Variants in RIMS1 observed in about 807,000 individuals in gnomAD.
RIMS1 encodes the protein regulating synaptic membrane exocytosis protein 1.
Under a neutral mutation model 214.1 loss-of-function variants are expected in RIMS1, and 83 were observed. That is an observed-to-expected ratio of 0.39 (90% confidence interval 0.32 to 0.47). The LOEUF is 0.47. Ranked by LOEUF, RIMS1 falls within the 20% of genes least tolerant of loss-of-function variation. The probability of loss-of-function intolerance (pLI) is 0.99; values close to 1 mark genes in which losing one functional copy is unlikely to be tolerated. For synonymous variants in RIMS1, 793 were observed against 786.8 expected (o/e 1.01, Z -0.13); for missense variants, 2,050 against 2,161.8 (o/e 0.95, Z 1.03).
intron 2 of RIMS1, among the ~76,000 whole-genome samples, chr6:72,040,866 A>G (rs1311254367): frequency 6.6e-6 from 1 of 151,898 alleles, no homozygotes; most frequent in Non-Finnish European, 1.5e-5. Flanking sequence ...TCAAAGATGT[A>G]ATTTATTTTA....
intron 1 of RIMS1, among the ~76,000 whole-genome samples, chr6:71,932,130 T>C (rs1366158566): frequency 6.6e-6 from 1 of 152,146 alleles, no homozygotes; most frequent in Non-Finnish European, 1.5e-5. Flanking sequence ...TTACTGTGTA[T>C]ATACCCAAAG....
At chr6:72,330,348 G>A (rs2096617162) in intron 28 of RIMS1, among the ~76,000 whole-genome samples, 1 of 151,708 alleles carries the variant, frequency 6.6e-6, no homozygotes. Context: ...ATAACTACTT[G>A]AGATTTTTCA....
chr6:72,373,106 C>T (rs1221279071), intron 29 of RIMS1, among the ~76,000 whole-genome samples: 1 of 152,104 alleles, frequency 6.6e-6, no homozygotes, highest in African/African-American at 2.4e-5. Flanking sequence ...CTTACTGCAC[C>T]TTGGATTCTT....
chr6:72,264,647 T>C (rs1046206034), intron 19 of RIMS1, among the ~76,000 whole-genome samples: 10 of 152,206 alleles, frequency 6.6e-5, no homozygotes, highest in Non-Finnish European at 8.8e-5. Context: ...TTTACTTTCG[T>C]AGAAGTAGGC....
chr6:72,354,226 TAAATAAAC>T (rs2097556793), intron 29 of RIMS1, among the ~76,000 whole-genome samples: 2 of 151,514 alleles, frequency 1.3e-5, no homozygotes, highest in Non-Finnish European at 3.0e-5. Context: ...TCTCAATAAA[TAAATAAAC>T]AAACAAACAA....
chr6:72,213,849 C>T (rs2054503222), intron 6 of RIMS1, among the ~76,000 whole-genome samples: 1 of 152,106 alleles, frequency 6.6e-6, no homozygotes, highest in Non-Finnish European at 1.5e-5. Flanking sequence ...TATTCTCTCC[C>T]AAGGGAAATC....
At chr6:72,022,360 G>A (rs190398183) in intron 2 of RIMS1, among the ~76,000 whole-genome samples, 29 of 152,140 alleles carry the variant, frequency 1.9e-4, no homozygotes, top group African/African-American at 4.1e-4. Flanking sequence ...AAACTTGGGC[G>A]TTATCATTAT....
In RIMS1 at chr6:72,260,761, C is replaced by T; in HGVS notation, c.3110C>T (p.Thr1037Ile). The T allele has an allele frequency of 6.2e-7, 1 of 1,612,204 alleles. No homozygotes were observed. The highest frequency in any genetic ancestry group is 8.5e-7 in the Non-Finnish European group (1 of 1,178,796). ...GGACGAAGTGCAGAATGCCTACATA[C>T]TACCAGGTAAATACAGGGATTTGGT... ...KRGRSAECLH[T>I]TRHLVRHYKT... The change falls in exon 19 of 34, where the codon ACT (threonine) becomes ATT (isoleucine). Residue 1037 changes from threonine to isoleucine, a missense_variant. Around this residue, in one of 6 missense-constraint regions of RIMS1, gnomAD observed 889 missense variants for 885.5 expected, o/e 1.00. Coordinates refer to ENST00000521978, the MANE Select transcript of RIMS1 (RefSeq NM_014989.7).
intron 29 of RIMS1, among the ~76,000 whole-genome samples, chr6:72,373,459 G>A (rs1435872148): frequency 6.6e-6 from 1 of 152,104 alleles, no homozygotes; most frequent in African/African-American, 2.4e-5. Context: ...TTTTGTGTGT[G>A]ATTAACACTG....
In RIMS1 at chr6:72,162,481, CT is replaced by C. The variant is rs2045586257; in HGVS notation, c.472-17092del. 1.4e-5 allele frequency among the ~76,000 whole-genome samples: 2 copies of C among 140,432 alleles called. 1 individual carries two copies. The highest frequency in any genetic ancestry group is 1.5e-4 in the Admixed American group (2 of 13,668). The allele number at this position is 140,432 out of a possible 152,430, so 92.1% of individuals were successfully genotyped here. On this transcript the variant is annotated intron_variant, in intron 4 of 33. Transcript: ENST00000521978. ...TTAGTTGATGCAGTTTCTTCCTAGC[CT>C]TGATGGTCTTTACAATTTGGTATGT...
chr6:72,000,427 CTG>C (rs1335809410), intron 2 of RIMS1, among the ~76,000 whole-genome samples: 1 of 152,182 alleles, frequency 6.6e-6, no homozygotes, highest in African/African-American at 2.4e-5. Flanking sequence ...TTTATCACCT[CTG>C]AGACTTAGTG....
intron 6 of RIMS1, chr6:72,217,172 A>T (rs2056473894): frequency 2.0e-6 from 3 of 1,535,808 alleles, no homozygotes; most frequent in African/African-American, 2.7e-5. Flanking sequence ...TTAGTTAACC[A>T]CTCCGATGCT....
At chr6:72,005,215 G>A (rs1484377005) in intron 2 of RIMS1, among the ~76,000 whole-genome samples, 5 of 152,262 alleles carry the variant, frequency 3.3e-5, no homozygotes, top group South Asian at 2.1e-4. Flanking sequence ...GCTCTGTTCT[G>A]TTCCATTGGT....
In RIMS1 at chr6:72,304,212, G is replaced by T. The variant is rs569908555; in HGVS notation, c.3851-3046G>T. Reference sequence around the variant, plus strand: ...TTACAATACTATTAACATTCAGAATGTTCCTAAAATGTGAATGTAATGCTA... The same window carrying T: ...TTACAATACTATTAACATTCAGAATTTTCCTAAAATGTGAATGTAATGCTA... On this transcript the variant is annotated intron_variant, in intron 26 of 33. Transcript: ENST00000521978. 2.6e-5 allele frequency among the ~76,000 whole-genome samples: 4 copies of T among 151,738 alleles called. No homozygotes were observed. In the East Asian group the frequency reaches 5.8e-4, roughly 22 times the overall value.
intron 6 of RIMS1, 41 bp from the exon 7 acceptor site, chr6:72,233,731 CT>C (rs749496419): frequency 4.3e-6 from 6 of 1,381,698 alleles, no homozygotes; most frequent in Non-Finnish European, 4.0e-6. Context: ...ACACTCTTCT[CT>C]TTAATACCAT....
rs1305139241 is a variant in RIMS1 at position 72,398,330 on chromosome 6, C to G, written c.4700C>G (p.Pro1567Arg). ...VIRARSLTQK[P>R]GSKSTPAPYV... ...AGAGCACGAAGCCTCACACAAAAGC[C>G]TGGTTCCAAATCTACACCTGGTAAG... The change falls in exon 32 of 34, where the codon CCT becomes CGT. Residue 1567 changes from proline to arginine, a missense_variant. Physicochemically the swap from Pro to Arg is moderately radical, Grantham distance 103. Transcript: ENST00000521978. 6.2e-7 allele frequency: 1 copy of G among 1,603,318 alleles called. No homozygotes were observed. Among genetic ancestry groups the G allele is most frequent in the African/African-American group, 1.3e-5 (1 of 74,536 alleles).
At chr6:71,959,008 C>T (rs887990622) in intron 1 of RIMS1, among the ~76,000 whole-genome samples, 1 of 151,978 alleles carries the variant, frequency 6.6e-6, no homozygotes, top group Non-Finnish European at 1.5e-5. Context: ...TTAAAGTTGC[C>T]ATGTAAGTGT....
At chr6:72,154,419 T>C (rs2044171391) in intron 4 of RIMS1, among the ~76,000 whole-genome samples, 1 of 140,598 alleles carries the variant, frequency 7.1e-6, no homozygotes, top group African/African-American at 2.5e-5. Context: ...TTGCAGTTTA[T>C]TAGAGATGAA....
intron 2 of RIMS1, among the ~76,000 whole-genome samples, chr6:72,088,836 G>A (rs1335942832): frequency 6.6e-6 from 1 of 151,856 alleles, no homozygotes; most frequent in Non-Finnish European, 1.5e-5. Context: ...AAATTTCCTG[G>A]TGGTGGCAAA....
Sources: allele counts gnomAD v4.1 joint callset (sites outside exome capture counted in the v4.1 genomes callset), GRCh38; gene constraint gnomAD v4.1.1; regional missense constraint gnomAD v4.1.1; transcripts MANE v1.5; gene names NCBI Gene and HGNC (gene_info 2026-07-23, HGNC 2026-07-21).